The following SEPTIN8 variants were observed in gnomAD, a reference collection of about 807,000 sequenced individuals.
SEPTIN8 encodes septin 8, also known as septin-8.
A neutral mutation model predicts 53.1 loss-of-function variants in SEPTIN8; 22 were observed. The ratio of observed to expected loss-of-function variants is 0.41; its 90% CI spans 0.30 to 0.59. The LOEUF is 0.59. Among genes scored for constraint, SEPTIN8 ranks in the 20% least tolerant of loss-of-function variants. The probability of loss-of-function intolerance (pLI) is 0.24; values close to 1 mark genes in which losing one functional copy is unlikely to be tolerated. For synonymous variants in SEPTIN8, 228 were observed against 248.4 expected, an observed-to-expected ratio of 0.92 and a Z score of 0.77; for missense variants, 536 against 638.7, an observed-to-expected ratio of 0.84 and a Z score of 1.73.
chr5:132,754,149 A>T, intron 9 of SEPTIN8: 1 of 413,086 alleles, frequency 2.4e-6, no homozygotes, highest in Non-Finnish European at 4.4e-6. Context: ...TTAAAATTAC[A>T]CTTTAATTGC....
intron 9 of SEPTIN8, chr5:132,757,726 A>C: frequency 1.0e-6 from 1 of 985,352 alleles, no homozygotes; most frequent in Non-Finnish European, 1.2e-6. Flanking sequence ...GTGGCTTGTA[A>C]ACCAACAGGA....
chr5:132,763,334 A>G (rs1240778036), intron 4 of SEPTIN8, among the ~76,000 whole-genome samples: 1 of 152,214 alleles, frequency 6.6e-6, no homozygotes, highest in Non-Finnish European at 1.5e-5. Flanking sequence ...AGGAGGAGCT[A>G]GAAATTAGGA....
chr5:132,765,744 C>G (rs763448428), intron 1 of SEPTIN8, among the ~76,000 whole-genome samples: 7 of 152,252 alleles, frequency 4.6e-5, no homozygotes, highest in Admixed American at 1.3e-4. Context: ...AAAGGCCCTT[C>G]CACTCTGTAG....
At position 132,764,327 on chromosome 5, in the gene SEPTIN8, G is replaced by C. The variant is rs372948796; in HGVS notation, c.244C>G (p.Arg82Gly). ...AGGTCATAGGTCTGGGGCCGCAGGC[G>C]CACGCATGCCTCATGGTGACTGGCT... ...EEASHHEACV[R>G]LRPQTYDLQE... The change falls in exon 3 of 10, where the codon CGC (arginine) becomes GGC (glycine). Residue 82 changes from arginine to glycine, a missense_variant. Transcript: ENST00000378719. 2 of 1,614,082 alleles carry C rather than the reference G, an allele frequency of 1.2e-6. No individual in the cohort carries two copies. Among genetic ancestry groups the C allele is most frequent in the African/African-American group, 2.7e-5 (2 of 74,946 alleles).
intron 9 of SEPTIN8, among the ~76,000 whole-genome samples, chr5:132,759,863 T>A (rs745581735): frequency 6.6e-6 from 1 of 152,072 alleles, no homozygotes; most frequent in African/African-American, 2.4e-5. Flanking sequence ...AGCCAGGACA[T>A]CTGGACTCCA....
At chr5:132,757,096 A>T in intron 9 of SEPTIN8, 2 of 985,392 alleles carry the variant, frequency 2.0e-6, no homozygotes, top group Non-Finnish European at 2.4e-6. Context: ...AATTGCAACC[A>T]GATACGGACT....
chr5:132,758,844 C>T (rs908002094), intron 9 of SEPTIN8: 1 of 1,608,962 alleles, frequency 6.2e-7, no homozygotes, highest in Middle Eastern at 1.7e-4. Flanking sequence ...AAAAATAAAA[C>T]AAACAAAACA....
At chr5:132,758,807 A>C (rs1755597383) in intron 9 of SEPTIN8, 1 of 1,614,028 alleles carries the variant, frequency 6.2e-7, no homozygotes, top group Non-Finnish European at 8.5e-7. Context: ...TTGACATGTA[A>C]GTCTGTGCGT....
Position 132,752,864 on chromosome 5 carries a change from A to G in SEPTIN8, c.1287-683T>C, listed in dbSNP as rs148377101. 1.8e-5 allele frequency: 29 copies of G among 1,612,782 alleles called. No homozygotes were observed. The African/African-American group carries it at 2.3e-4, about 13-fold the overall frequency. Reference sequence around the variant, plus strand: ...GAAGATGGCCACTCTATTCTAATACAGGTTGGTGATATGCAGTACAGCTGC... The same window carrying G: ...GAAGATGGCCACTCTATTCTAATACGGGTTGGTGATATGCAGTACAGCTGC... On this transcript the variant is annotated intron_variant, in intron 9 of 9. Coordinates refer to ENST00000378719, the MANE Select transcript of SEPTIN8 (RefSeq NM_001098811.2).
rs374969413 is a variant in SEPTIN8, at chr5:132,776,007, T to C, written c.30+1101A>G. 2.0e-5 allele frequency: 3 copies of C among 152,416 alleles called. No individual in the cohort carries two copies. In the South Asian group the frequency reaches 6.2e-4, roughly 32 times the overall value. The allele number at this position is 152,416 out of a possible 1,614,324, so 9.4% of individuals were successfully genotyped here. ...GTAGAATAAGAAATGTATTTTCAGA[T>C]TAAATGGAAAATTTACATATATAAA... On this transcript the variant is annotated intron_variant, in intron 1 of 9. Transcript: ENST00000378719. The surrounding 1 kb of genome is among the most constrained non-coding windows in gnomAD (Gnocchi z 4.4).
intron 9 of SEPTIN8, chr5:132,756,328 G>A (rs1026196014): frequency 1.0e-5 from 10 of 980,030 alleles, no homozygotes; most frequent in Non-Finnish European, 1.2e-5. Flanking sequence ...TTTTGATCTG[G>A]TGTAATTAAT....
chr5:132,765,492 C>T lies in SEPTIN8; in HGVS notation c.68G>A (p.Gly23Asp). 1 of 1,611,410 alleles carries T rather than the reference C, an allele frequency of 6.2e-7. No individual in the cohort carries two copies. Among genetic ancestry groups the T allele is most frequent in the Non-Finnish European group, 8.5e-7 (1 of 1,178,722 alleles). ...EPEPRSLSLG[G>D]HVGFDSLPDQ... ...GGGGAGGCTGTCGAAACCCACATGG[C>T]CGCCCAGGGAGAGGCTCCGGGGCTC... Residue 23 changes from glycine to aspartate, a missense_variant, in exon 2 of 10, where the codon GGC (glycine) becomes GAC (aspartate). Gly to Asp is a moderately conservative substitution (Grantham distance 94). Coordinates refer to ENST00000378719, the MANE Select transcript of SEPTIN8 (RefSeq NM_001098811.2).
chr5:132,750,971 G>T lies in SEPTIN8; in HGVS notation c.*1045C>A. The T allele has an allele frequency of 6.2e-7, 1 of 1,614,166 alleles. No homozygotes were observed. The highest frequency in any genetic ancestry group is 1.1e-5 in the South Asian group (1 of 91,056). On this transcript the variant is annotated 3_prime_UTR_variant, in exon 10 of 10. Transcript: ENST00000378719. Reference sequence around the variant, plus strand: ...CAGACTGCACTGGGACCTCTATATTGGGACGCCGCTGGACTTCTTGACTAT... The same window carrying T: ...CAGACTGCACTGGGACCTCTATATTTGGACGCCGCTGGACTTCTTGACTAT...
intron 1 of SEPTIN8, chr5:132,774,245 T>TG (rs926629273): frequency 6.0e-6 from 1 of 166,740 alleles, no homozygotes; most frequent in African/African-American, 2.4e-5. Context: ...GGTAAGTGAC[T>TG]GGCTGGGAAG....
Position 132,763,863 on chromosome 5 carries a change from G to T in SEPTIN8, c.377C>A (p.Ala126Glu). ...CTCCTGCAGATAATTTTCAAACTGC[G>T]CATCGATGTAGTCAACTATGGGCCT... ...SYRPIVDYID[A>E]QFENYLQEEL... is the part of the protein sequence containing the mutation. The change falls in exon 4 of 10, where the codon GCG becomes GAG. Residue 126 changes from alanine to glutamate, a missense_variant. Physicochemically the swap from Ala to Glu is moderately radical, Grantham distance 107. Transcript: ENST00000378719. The T allele has an allele frequency of 6.3e-7, 1 of 1,594,276 alleles. No homozygotes were observed. Among genetic ancestry groups the T allele is most frequent in the Non-Finnish European group, 8.5e-7 (1 of 1,169,734 alleles).
At chr5:132,752,857 C>T (rs759581267) in intron 9 of SEPTIN8, 2 of 1,611,258 alleles carry the variant, frequency 1.2e-6, no homozygotes, top group Admixed American at 1.7e-5. Flanking sequence ...CCACTCTATT[C>T]TAATACAGGT....
At chr5:132,752,931 ATCC>A (rs1225042098) in intron 9 of SEPTIN8, 7 of 1,614,162 alleles carry the variant, frequency 4.3e-6, no homozygotes, top group East Asian at 4.5e-5. Context: ...GTCTTCAGTC[ATCC>A]TCCTGCACAG....
intron 9 of SEPTIN8, chr5:132,758,658 C>T: frequency 6.3e-7 from 1 of 1,592,382 alleles, no homozygotes; most frequent in Non-Finnish European, 8.6e-7. Context: ...AGCCTGGGGC[C>T]AGGGTCGGTG....
intron 1 of SEPTIN8, among the ~76,000 whole-genome samples, chr5:132,765,905 T>C (rs1185247263): frequency 2.6e-5 from 4 of 152,128 alleles, no homozygotes; most frequent in South Asian, 2.1e-4. Context: ...GAGGACCAGA[T>C]TGGAAAGTGT....
Sources: allele counts gnomAD v4.1 joint callset (sites outside exome capture counted in the v4.1 genomes callset), GRCh38; gene constraint gnomAD v4.1.1; non-coding constraint Gnocchi (gnomAD v3.1); transcripts MANE v1.5; gene names NCBI Gene and HGNC (gene_info 2026-07-23, HGNC 2026-07-21).